RPS19: variants seen among roughly 807,000 people sequenced by gnomAD.
The protein encoded by RPS19 is small ribosomal subunit protein eS19.
RPS19 carries 1 observed loss-of-function variant against 20.3 expected under a neutral mutation model. The observed-to-expected ratio is 0.05, with a 90% CI of 0.02 to 0.23. The LOEUF is 0.23. Among genes scored for constraint, RPS19 ranks in the 10% least tolerant of loss-of-function variants. RPS19 has a pLI of 1.00. For synonymous variants in RPS19, 87 were observed against 74.8 expected (o/e 1.16, Z -0.84); for missense variants, 111 against 192.7 (o/e 0.58, Z 2.51).
At chr19:41,868,553 G>A (rs2074112195) in intron 3 of RPS19, among the ~76,000 whole-genome samples, 1 of 152,204 alleles carries the variant, frequency 6.6e-6, no homozygotes. Context: ...ACTTGCCCAA[G>A]CCAGCCTTCC....
At position 41,871,344 on chromosome 19, in the gene RPS19, C is replaced by T. The variant is rs1555841992; in HGVS notation, c.412-7C>T. The stretch of plus-strand genomic sequence containing the variant: ...ACTAACTTTTATTCTTCCATCTTTT[C>T]CCACAGGTGGCAGCTGCCAACAAGA... On this transcript the variant is annotated splice_polypyrimidine_tract_variant and splice_region_variant and intron_variant, in intron 5 of 5. Transcript: ENST00000598742. 1.9e-6 allele frequency: 3 copies of T among 1,613,912 alleles called. No individual in the cohort carries two copies. Among genetic ancestry groups the T allele is most frequent in the South Asian group, 2.2e-5 (2 of 91,078 alleles).
At chr19:41,869,969 G>A (rs1203386193) in intron 5 of RPS19, among the ~76,000 whole-genome samples, 1 of 152,124 alleles carries the variant, frequency 6.6e-6, no homozygotes, top group African/African-American at 2.4e-5. Flanking sequence ...CAGGCTGGCT[G>A]TGGTGTCTCA....
At chr19:41,870,698 T>C (rs1247943126) in intron 5 of RPS19, among the ~76,000 whole-genome samples, 1 of 151,804 alleles carries the variant, frequency 6.6e-6, no homozygotes, top group African/African-American at 2.4e-5. Context: ...GAATGGAAAG[T>C]GTCAGCCCTC....
rs1184452366 is a variant in RPS19 at position 41,865,730 on chromosome 19, T to G, written c.173-3301T>G. On this transcript the variant is annotated intron_variant, in intron 3 of 5. Coordinates refer to ENST00000598742, the MANE Select transcript of RPS19 (RefSeq NM_001022.4). ...TTCGGAGGCCGAGGCGGGCGGATCA[T>G]GAGGTCAAGAGATCGAGACCATCCT... 3.9e-3 allele frequency among the ~76,000 whole-genome samples: 462 copies of G among 119,874 alleles called. No homozygotes were observed. In the Middle Eastern group the frequency reaches 0.074, roughly 19 times the overall value. The allele number at this position is 119,874 out of a possible 152,430, so 78.6% of individuals were successfully genotyped here.
chr19:41,870,310 C>A (rs2074133573), intron 5 of RPS19, among the ~76,000 whole-genome samples: 1 of 152,114 alleles, frequency 6.6e-6, no homozygotes, highest in Non-Finnish European at 1.5e-5. Context: ...GAGCACATAG[C>A]TGTACCCGTA....
intron 4 of RPS19, 128 bp downstream of exon 4, chr19:41,869,342 G>A (rs1418598022): frequency 4.5e-6 from 4 of 894,768 alleles, no homozygotes; most frequent in Non-Finnish European, 6.9e-6. Context: ...GGCAGGAGGG[G>A]ATTCTGCAGA....
At chr19:41,868,102 T>C (rs565444108) in intron 3 of RPS19, among the ~76,000 whole-genome samples, 17 of 152,258 alleles carry the variant, frequency 1.1e-4, no homozygotes, top group African/African-American at 3.8e-4. Context: ...AGGAAAGAAA[T>C]CACTAGAGCA....
rs1555842035 is a variant in RPS19 at position 41,871,516 on chromosome 19, A to G, written c.*139A>G. ...ACTGCAATCTCCGCCTTCTGGGTTC[A>G]AATGATTCTCCTGCCTCAGCCTCCC... On this transcript the variant is annotated 3_prime_UTR_variant, in exon 6 of 6. Transcript: ENST00000598742. 29 of 752,574 alleles carry G rather than the reference A, an allele frequency of 3.9e-5. No individual in the cohort carries two copies. The highest frequency in any genetic ancestry group is 2.3e-5 in the Non-Finnish European group (10 of 430,014). The allele number at this position is 752,574 out of a possible 1,614,324, so 46.6% of individuals were successfully genotyped here.
rs1422702963 is a variant in RPS19, at chr19:41,872,906, CAAT to C, written c.*1532_*1534del. The C allele has an allele frequency of 7.0e-6, 1 of 143,396 alleles. No individual in the cohort carries two copies. The highest frequency in any genetic ancestry group is 1.5e-5 in the Non-Finnish European group (1 of 67,926). The allele number at this position is 143,396 out of a possible 1,614,324, so 8.9% of individuals were successfully genotyped here. On this transcript the variant is annotated 3_prime_UTR_variant, in exon 6 of 6. Transcript: ENST00000598742. ...CGAGACTCCATTTCAAAAAAAGAAT[CAAT>C]AAAAATGTTAAAAGCACCGTTGTTT...
chr19:41,864,862 G>A (rs189744878), intron 3 of RPS19: 3 of 152,322 alleles, frequency 2.0e-5, no homozygotes, highest in East Asian at 3.9e-4. Context: ...ATCAAAAGCT[G>A]GGGCTGGAAC....
chr19:41,861,441 G>A (rs1555839269), intron 3 of RPS19: 1 of 567,758 alleles, frequency 1.8e-6, no homozygotes, highest in Non-Finnish European at 3.2e-6. Flanking sequence ...AGCCTCAGGG[G>A]AAACCAGAGA....
chr19:41,869,828 G>A (rs2074128585), intron 5 of RPS19, 75 bp downstream of exon 5: 1 of 1,492,936 alleles, frequency 6.7e-7, no homozygotes, highest in Non-Finnish European at 9.3e-7. Context: ...TACTTTGTCA[G>A]GTAGACTTAT....
Position 41,871,653 on chromosome 19 carries a change from G to T in RPS19, c.*276G>T. The T allele has an allele frequency of 2.2e-6, 1 of 452,134 alleles. No homozygotes were observed. The highest frequency in any genetic ancestry group is 4.0e-6 in the Non-Finnish European group (1 of 247,266). 28.0% of individuals were successfully genotyped at this position (452,134 alleles called of 1,614,324 possible). On this transcript the variant is annotated 3_prime_UTR_variant, in exon 6 of 6. Coordinates refer to ENST00000598742, the MANE Select transcript of RPS19 (RefSeq NM_001022.4). ...CTTCCTCCCTTCCCTTGGGTGAGGG[G>T]GCCCAGGGTGATTGGGTGGCTGTTT...
At chr19:41,867,997 T>G (rs189511328) in intron 3 of RPS19, among the ~76,000 whole-genome samples, 88 of 152,284 alleles carry the variant, frequency 5.8e-4, no homozygotes, top group African/African-American at 2.1e-3. Context: ...AAGAACTGTT[T>G]CTGGGCAGAA....
chr19:41,871,254 G>C, intron 5 of RPS19, 97 bp from the exon 6 acceptor site: 2 of 996,548 alleles, frequency 2.0e-6, no homozygotes, highest in Non-Finnish European at 1.6e-6. Flanking sequence ...ACCACAAATC[G>C]GGGTGCCCAC....
chr19:41,870,849 C>CTTTTTTTTTTTTTTTTTTT (rs35987051), intron 5 of RPS19, among the ~76,000 whole-genome samples: 5 of 43,964 alleles, frequency 1.1e-4, no homozygotes, highest in African/African-American at 2.8e-4. Context: ...CACTCCCTTC[C>CTTTTTTTTTTTTTTTTTTT]TTTTTTTTTT....
At chr19:41,861,364 G>C in intron 3 of RPS19, 152 bp downstream of exon 3, 1 of 671,922 alleles carries the variant, frequency 1.5e-6, no homozygotes, top group East Asian at 2.7e-5. Context: ...TGTGACATTC[G>C]ATAACTTGGT....
intron 3 of RPS19, 87 bp downstream of exon 3, chr19:41,861,299 T>A: frequency 1.0e-6 from 1 of 966,772 alleles, no homozygotes; most frequent in South Asian, 1.3e-5. Flanking sequence ...CTGAGCTCTT[T>A]CCCGCCCCAA....
chr19:41,869,292 A>G (rs1600621899), intron 4 of RPS19, 78 bp downstream of exon 4: 1 of 1,353,404 alleles, frequency 7.4e-7, no homozygotes, highest in Non-Finnish European at 1.0e-6. Flanking sequence ...ATGGTCCTGC[A>G]TAGTCTGCCC....
Sources: allele counts gnomAD v4.1 joint callset (sites outside exome capture counted in the v4.1 genomes callset), GRCh38; gene constraint gnomAD v4.1.1; transcripts MANE v1.5; gene names NCBI Gene and HGNC (gene_info 2026-07-23, HGNC 2026-07-21).